AFAP1: variants seen among roughly 807,000 people sequenced by gnomAD.
The protein encoded by AFAP1 is actin filament-associated protein 1.
Under a neutral mutation model 93.9 loss-of-function variants are expected in AFAP1, and 75 were observed. The ratio of observed to expected loss-of-function variants is 0.80; its 90% CI spans 0.66 to 0.97. AFAP1 has a LOEUF of 0.97. Among genes scored for constraint, AFAP1 ranks in the 50% least tolerant of loss-of-function variants. AFAP1 has a pLI of 0.00. For synonymous variants in AFAP1, 517 were observed against 430.7 expected, an observed-to-expected ratio of 1.20 and a Z score of -2.48; for missense variants, 1,201 against 1,050.8, an observed-to-expected ratio of 1.14 and a Z score of -1.98.
intron 3 of AFAP1, among the ~76,000 whole-genome samples, chr4:7,865,395 T>G (rs1206521211): frequency 6.6e-6 from 1 of 152,194 alleles, no homozygotes; most frequent in Non-Finnish European, 1.5e-5. Flanking sequence ...TCACTTAAAT[T>G]TAACATATTT....
chr4:7,844,776 T>G (rs1713493772), intron 4 of AFAP1, among the ~76,000 whole-genome samples: 1 of 152,234 alleles, frequency 6.6e-6, no homozygotes, highest in Non-Finnish European at 1.5e-5. Flanking sequence ...CTCTCATTAC[T>G]TTCAGCTGCG....
At chr4:7,802,978 G>C (rs996917388) in intron 9 of AFAP1, among the ~76,000 whole-genome samples, 1 of 152,206 alleles carries the variant, frequency 6.6e-6, no homozygotes, top group Non-Finnish European at 1.5e-5. Flanking sequence ...CTTAAAAAGA[G>C]AATCAACTAT....
In AFAP1 at chr4:7,872,037, G is replaced by C; in HGVS notation, c.42C>G (p.Leu14=). 2 of 1,614,096 alleles carry C rather than the reference G, an allele frequency of 1.2e-6. No individual in the cohort carries two copies. The highest frequency in any genetic ancestry group is 1.7e-6 in the Non-Finnish European group (2 of 1,180,006). The change falls in exon 2 of 18, where the codon CTC becomes CTG. Residue 14 remains leucine, a synonymous_variant. Transcript: ENST00000420658. ...LIVELRLFLE[L]LDHEYLTSTV... ...TTGAGGTTAGATATTCATGGTCCAG[G>C]AGTTCAAGAAAGAGACGAAGTTCAA...
intron 17 of AFAP1, among the ~76,000 whole-genome samples, chr4:7,764,754 C>T (rs773233535): frequency 3.9e-5 from 6 of 152,120 alleles, no homozygotes; most frequent in Admixed American, 6.5e-5. Context: ...GCACTGGGTG[C>T]GGCTATGTCT....
At chr4:7,767,595 T>G (rs553968951) in intron 17 of AFAP1, among the ~76,000 whole-genome samples, 2 of 152,094 alleles carry the variant, frequency 1.3e-5, no homozygotes, top group South Asian at 4.2e-4. Context: ...TTCCCCAGAC[T>G]CACCGACACA....
chr4:7,872,864 G>A (rs1489797001), intron 1 of AFAP1, among the ~76,000 whole-genome samples: 1 of 148,172 alleles, frequency 6.7e-6, no homozygotes, highest in Non-Finnish European at 1.5e-5. Flanking sequence ...AATCAAGGAA[G>A]TGACACCAAA....
chr4:7,874,274 A>C (rs901036145), intron 1 of AFAP1, among the ~76,000 whole-genome samples: 1 of 152,170 alleles, frequency 6.6e-6, no homozygotes, highest in African/African-American at 2.4e-5. Flanking sequence ...TGTAGTATCA[A>C]AGAAGAATGT....
chr4:7,788,133 G>A (rs1717489561), intron 11 of AFAP1, among the ~76,000 whole-genome samples: 1 of 152,238 alleles, frequency 6.6e-6, no homozygotes, highest in Non-Finnish European at 1.5e-5. Flanking sequence ...CAGGTGCCTA[G>A]AGCCTCGGCC....
At chr4:7,783,879 C>T (rs148025972) in intron 12 of AFAP1, among the ~76,000 whole-genome samples, 10 of 152,236 alleles carry the variant, frequency 6.6e-5, no homozygotes, top group South Asian at 2.1e-4. Context: ...TTGGGGGGGA[C>T]GGGCTAGACA....
intron 1 of AFAP1, among the ~76,000 whole-genome samples, chr4:7,911,828 C>G (rs2149226759): frequency 6.6e-6 from 1 of 152,284 alleles, no homozygotes; most frequent in Non-Finnish European, 1.5e-5. Context: ...AGTAAATCTT[C>G]TAAGAGAAAG....
At chr4:7,928,380 T>C (rs960844981) in intron 1 of AFAP1, among the ~76,000 whole-genome samples, 12 of 152,120 alleles carry the variant, frequency 7.9e-5, no homozygotes, top group Admixed American at 2.0e-4. Context: ...AATACTTTAC[T>C]AGGTTTTGTT....
chr4:7,871,438 C>G (rs1364281282), intron 2 of AFAP1, among the ~76,000 whole-genome samples: 1 of 152,214 alleles, frequency 6.6e-6, no homozygotes, highest in Non-Finnish European at 1.5e-5. Context: ...ACCCTGGACA[C>G]CGAGTCTCTG....
chr4:7,930,450 A>G (rs577879949), intron 1 of AFAP1, among the ~76,000 whole-genome samples: 50 of 152,254 alleles, frequency 3.3e-4, no homozygotes, highest in African/African-American at 1.2e-3. Flanking sequence ...CCCCGGAGGT[A>G]GGGGTAGGGC....
At chr4:7,828,856 C>T (rs749550369) in intron 6 of AFAP1, among the ~76,000 whole-genome samples, 1 of 152,210 alleles carries the variant, frequency 6.6e-6, no homozygotes, top group African/African-American at 2.4e-5. Flanking sequence ...CTGTGCTCTA[C>T]CTATACCGTC....
intron 1 of AFAP1, among the ~76,000 whole-genome samples, chr4:7,901,227 G>A (rs947922744): frequency 2.0e-5 from 3 of 152,180 alleles, no homozygotes; most frequent in African/African-American, 7.2e-5. Context: ...TGCCTAGCAG[G>A]GAGATGGGGA....
In AFAP1 at chr4:7,781,496, T is replaced by C; in HGVS notation, c.1662A>G (p.Arg554=). ...HIFARYSPAD[R]KASRLSADKL... Reference sequence around the variant, plus strand: ...TGTCAGCAGACAGCCTAGAGGCCTTTCTGTCAGCAGGAGAGTAGCGGGCAA... The same window carrying C: ...TGTCAGCAGACAGCCTAGAGGCCTTCCTGTCAGCAGGAGAGTAGCGGGCAA... Residue 554 remains arginine, a synonymous_variant, in exon 13 of 18, where the codon AGA becomes AGG. Coordinates refer to ENST00000420658, the MANE Select transcript of AFAP1 (RefSeq NM_001134647.2). 1 of 1,552,256 alleles carries C rather than the reference T, an allele frequency of 6.4e-7. No homozygotes were observed. Among genetic ancestry groups the C allele is most frequent in the Non-Finnish European group, 8.7e-7 (1 of 1,147,118 alleles).
At chr4:7,897,041 T>C (rs930655168) in intron 1 of AFAP1, among the ~76,000 whole-genome samples, 1 of 152,038 alleles carries the variant, frequency 6.6e-6, no homozygotes, top group African/African-American at 2.4e-5. Context: ...AGAGACTCTT[T>C]TCTTCTCCTA....
intron 1 of AFAP1, among the ~76,000 whole-genome samples, chr4:7,882,396 C>T (rs1560218228): frequency 1.4e-5 from 2 of 147,574 alleles, no homozygotes; most frequent in East Asian, 2.0e-4. Context: ...TAACCAAATT[C>T]TTTTTTTTTT....
chr4:7,900,143 AAGAATGCCATTCTCAATG>A (rs1233221672), intron 1 of AFAP1, among the ~76,000 whole-genome samples: 1 of 152,346 alleles, frequency 6.6e-6, no homozygotes. Flanking sequence ...TAGAGCCTGC[AAGAATGCCATTCTCAATG>A]ATAACAGTTA....
Sources: gnomAD v4.1 joint callset for allele counts (sites outside exome capture counted in the v4.1 genomes callset) on GRCh38, gnomAD v4.1.1 for gene constraint, MANE v1.5 for transcripts, NCBI Gene and HGNC (gene_info 2026-07-23, HGNC 2026-07-21) for gene names.